NLGN4X: variants seen among roughly 807,000 people sequenced by gnomAD.
The protein encoded by NLGN4X is neuroligin 4 X-linked, also known as neuroligin-4, X-linked.
NLGN4X carries 3 observed loss-of-function variants against 40.3 expected under a neutral mutation model. The ratio of observed to expected loss-of-function variants is 0.07; its 90% CI spans 0.03 to 0.19. The LOEUF (loss-of-function observed/expected upper bound fraction) is 0.19, where lower values mean the gene tolerates loss of function less well. Among genes scored for constraint, NLGN4X ranks in the 10% least tolerant of loss-of-function variants. NLGN4X has a pLI of 1.00. For missense variants in NLGN4X, 382 were observed against 708.3 expected (o/e 0.54, Z 5.23); for synonymous variants, 270 against 306.8 (o/e 0.88, Z 1.25).
intron 3 of NLGN4X, among the ~76,000 whole-genome samples, chrX:5,921,150 T>TAC (rs2033025449): frequency 1.7e-5 from 1 of 59,942 alleles, no homozygotes; most frequent in African/African-American, 9.0e-5. Context: ...TATATATACA[T>TAC]ATATATATAT....
intron 2 of NLGN4X, among the ~76,000 whole-genome samples, chrX:6,099,640 T>C (rs1179050998): frequency 1.8e-5 from 2 of 112,460 alleles, no homozygotes; most frequent in African/African-American, 6.5e-5. Context: ...CAAGTGCTCA[T>C]TAAATATTTG....
intron 1 of NLGN4X, among the ~76,000 whole-genome samples, chrX:6,224,051 C>G (rs1267917515): frequency 8.9e-6 from 1 of 112,517 alleles, no homozygotes. Context: ...GTCTCTTACA[C>G]TTGACATTCA....
intron 3 of NLGN4X, among the ~76,000 whole-genome samples, chrX:5,914,936 T>A (rs1000476331): frequency 8.9e-6 from 1 of 112,543 alleles, no homozygotes; most frequent in Non-Finnish European, 1.9e-5. Flanking sequence ...AACCTTTAAC[T>A]TTCTGACTGA....
At chrX:5,983,272 C>T (rs1487675184) in intron 3 of NLGN4X, among the ~76,000 whole-genome samples, 8 of 111,861 alleles carry the variant, frequency 7.2e-5, no homozygotes, top group Non-Finnish European at 7.5e-5. Context: ...TGCCACTAAT[C>T]CATTTGCAAA....
intron 5 of NLGN4X, among the ~76,000 whole-genome samples, chrX:5,902,101 T>A (rs184727234): frequency 6.4e-3 from 711 of 111,062 alleles, no homozygotes; most frequent in Middle Eastern, 0.028. Flanking sequence ...GACTTAAAAC[T>A]CTGTAATGAG....
At chrX:6,063,046 T>C (rs2037810706) in intron 2 of NLGN4X, among the ~76,000 whole-genome samples, 1 of 111,123 alleles carries the variant, frequency 9.0e-6, no homozygotes, top group Admixed American at 9.6e-5. Context: ...CTATTTCAAT[T>C]CTCTACTCCC....
chrX:6,169,743 G>A (rs1393462877), intron 1 of NLGN4X, among the ~76,000 whole-genome samples: 2 of 112,232 alleles, frequency 1.8e-5, no homozygotes, highest in African/African-American at 6.5e-5. Flanking sequence ...ATGGCGCCAT[G>A]AGCCATGCAC....
At position 6,101,964 on chromosome X, in the gene NLGN4X, C is replaced by A. The variant is rs1430960795; in HGVS notation, c.472+49031G>T. On this transcript the variant is annotated intron_variant, in intron 2 of 5. Transcript: ENST00000381095. ...AGCTGGGACTACAGGTGCCCGCCAC[C>A]ACACCTAGCTAATTTTTTTGTATTT... Among the ~76,000 whole-genome samples, 7 of 109,456 alleles carry A rather than the reference C, an allele frequency of 6.4e-5. No individual in the cohort carries two copies. The Admixed American group carries it at 6.9e-4, about 11-fold the overall frequency.
At position 6,116,283 on chromosome X, in the gene NLGN4X, A is replaced by G. The variant is rs191522556; in HGVS notation, c.472+34712T>C. Among the ~76,000 whole-genome samples, 105 of 51,860 alleles carry G rather than the reference A, an allele frequency of 2.0e-3. 6 individuals carry two copies. The highest frequency in any genetic ancestry group is 7.6e-3 in the African/African-American group (97 of 12,710). 45.0% of individuals were successfully genotyped at this position (51,860 alleles called of 115,157 possible). A position where few individuals can be genotyped will look rare whatever the true frequency, so the allele number is the denominator to read the frequency against. On this transcript the variant is annotated intron_variant, in intron 2 of 5. Coordinates refer to ENST00000381095, the MANE Select transcript of NLGN4X (RefSeq NM_181332.3). ...ACTCCAGCCTGGGCGACAGACCGAGACTCTGTCAAAAAAAAAAAAAAAAAA... is the reference window on the plus strand; with the variant it reads ...ACTCCAGCCTGGGCGACAGACCGAGGCTCTGTCAAAAAAAAAAAAAAAAAA...
intron 2 of NLGN4X, among the ~76,000 whole-genome samples, chrX:6,102,637 T>C (rs1251895056): frequency 3.2e-5 from 3 of 94,602 alleles, no homozygotes; most frequent in African/African-American, 1.2e-4. Context: ...AGAGGATTGA[T>C]AGATATATAC....
intron 2 of NLGN4X, among the ~76,000 whole-genome samples, chrX:6,092,952 A>C (rs1310912133): frequency 9.0e-6 from 1 of 111,475 alleles, no homozygotes; most frequent in Admixed American, 9.6e-5. Flanking sequence ...AACAGGAAGA[A>C]TGGAGAAGTG....
intron 3 of NLGN4X, among the ~76,000 whole-genome samples, chrX:5,977,394 A>AC (rs2147047102): frequency 9.7e-6 from 1 of 103,352 alleles, no homozygotes; most frequent in Admixed American, 1.1e-4. Context: ...CTAATTTTTC[A>AC]TTTTTTTTTT....
chrX:6,150,715 T>A (rs1188382252), intron 2 of NLGN4X, among the ~76,000 whole-genome samples: 1 of 112,105 alleles, frequency 8.9e-6, no homozygotes, highest in Non-Finnish European at 1.9e-5. Context: ...ATATTTATTT[T>A]CATCTGCAAA....
At chrX:6,099,077 G>A (rs1453030110) in intron 2 of NLGN4X, among the ~76,000 whole-genome samples, 3 of 111,886 alleles carry the variant, frequency 2.7e-5, no homozygotes, top group African/African-American at 3.2e-5. Flanking sequence ...CTTAGACATC[G>A]CCAAATGTCC....
chrX:5,937,498 G>A (rs1048782947), intron 3 of NLGN4X, among the ~76,000 whole-genome samples: 4 of 111,670 alleles, frequency 3.6e-5, no homozygotes, highest in Non-Finnish European at 3.8e-5. Flanking sequence ...GAAAGTAATC[G>A]GCGGACATGT....
At chrX:5,915,183 G>A (rs1197728164) in intron 3 of NLGN4X, among the ~76,000 whole-genome samples, 2 of 112,229 alleles carry the variant, frequency 1.8e-5, no homozygotes, top group Admixed American at 1.9e-4. Flanking sequence ...AATATCAGTA[G>A]AGAAAATCTA....
intron 2 of NLGN4X, among the ~76,000 whole-genome samples, chrX:6,128,821 T>C (rs1025855781): frequency 1.8e-5 from 2 of 112,465 alleles, no homozygotes; most frequent in Admixed American, 9.4e-5. Flanking sequence ...GAAAGTTGAA[T>C]ATTTTTTAAT....
At chrX:5,901,584 T>C (rs12390251) in intron 5 of NLGN4X, among the ~76,000 whole-genome samples, 3,168 of 111,333 alleles carry the variant, frequency 0.028, 116 homozygotes, top group African/African-American at 0.098. Flanking sequence ...GTTGTATATA[T>C]GCTTTTTGTA....
chrX:6,120,968 T>A (rs2039409658), intron 2 of NLGN4X, among the ~76,000 whole-genome samples: 1 of 112,097 alleles, frequency 8.9e-6, no homozygotes, highest in South Asian at 3.7e-4. Flanking sequence ...TGACAGCACT[T>A]AGTCAACAAG....
Sources: gnomAD v4.1 joint callset for allele counts (sites outside exome capture counted in the v4.1 genomes callset) on GRCh38, gnomAD v4.1.1 for gene constraint, MANE v1.5 for transcripts, NCBI Gene and HGNC (gene_info 2026-07-23, HGNC 2026-07-21) for gene names.